BLOC1S3: variants seen among roughly 807,000 people sequenced by gnomAD.
BLOC1S3 encodes the protein biogenesis of lysosome-related organelles complex 1 subunit 3.
In BLOC1S3, 7 loss-of-function variants were observed where a neutral mutation model predicts 9.1. The ratio of observed to expected loss-of-function variants is 0.77; its 90% confidence interval spans 0.44 to 1.45. BLOC1S3 has a LOEUF of 1.45. BLOC1S3 is among the 40% of genes most tolerant of loss of function. BLOC1S3 has a pLI of 0.01. For synonymous variants in BLOC1S3, 145 were observed against 158.4 expected, an observed-to-expected ratio of 0.92 and a Z score of 0.64; for missense variants, 307 against 315.2, an observed-to-expected ratio of 0.97 and a Z score of 0.20.
intron 3 of BLOC1S3, among the ~76,000 whole-genome samples, chr19:45,202,873 G>T (rs904841043): frequency 6.6e-6 from 1 of 152,028 alleles, no homozygotes; most frequent in African/African-American, 2.4e-5. Flanking sequence ...AATGAATCCT[G>T]CCAGGACTGG....
chr19:45,179,476 C>G lies in BLOC1S3; in HGVS notation c.180C>G (p.Ala60=). ...CGGGGCTGCGGGTGGCTGGGGAAGC[C>G]GCGGAGACCGACTCGGAGCCGGAGC... The part of the protein sequence containing the change: ...RPTGLRVAGE[A]AETDSEPEPE... The change falls in exon 2 of 2, where the codon GCC becomes GCG. Residue 60 remains alanine (A), a synonymous_variant. Transcript: ENST00000433642. The surrounding 1 kb of genome is among the most constrained non-coding windows in gnomAD (Gnocchi z 4.6). 4 of 1,523,068 alleles carry G rather than the reference C, an allele frequency of 2.6e-6. No individual in the cohort carries two copies. The highest frequency in any genetic ancestry group is 3.5e-6 in the Non-Finnish European group (4 of 1,141,690). 94.3% of individuals were successfully genotyped at this position (1,523,068 alleles called of 1,614,324 possible). A position where few individuals can be genotyped will look rare whatever the true frequency, so the allele number is the denominator to read the frequency against.
In BLOC1S3 at chr19:45,179,364, C is replaced by G. The variant is rs1969471382; in HGVS notation, c.68C>G (p.Thr23Ser). The G allele has an allele frequency of 6.3e-7, 1 of 1,585,358 alleles. No individual in the cohort carries two copies. The highest frequency in any genetic ancestry group is 1.4e-5 in the African/African-American group (1 of 73,234). ...GAGACGGTGGTGCCGGGGGAGGCGA[C>G]CGAGACGGATTCCGAGCGCTCTGCG... Reference protein sequence around the residue: ...RPETVVPGEATETDSERSASS... With the variant: ...RPETVVPGEASETDSERSASS... The change falls in exon 2 of 2, where the codon ACC becomes AGC. Residue 23 changes from threonine (T) to serine (S), a missense_variant. Transcript: ENST00000433642. This position sits in a 1 kb window ranked among gnomAD's most constrained non-coding sequence, Gnocchi z 4.6.
At position 45,181,116 on chromosome 19, in the gene BLOC1S3, C is replaced by A. The variant is rs2122887666; in HGVS notation, c.*1211C>A. 1 of 168,028 alleles carries A rather than the reference C, an allele frequency of 6.0e-6. No homozygotes were observed. The highest frequency in any genetic ancestry group is 1.9e-4 in the East Asian group (1 of 5,204). 10.4% of individuals were successfully genotyped at this position (168,028 alleles called of 1,614,324 possible). ...CTCCCATCTGCCTCCTGCCTCCTCCCCTTTGAGCTTAGCCCCGCCCTCTCA... is the reference window on the plus strand; with the variant it reads ...CTCCCATCTGCCTCCTGCCTCCTCCACTTTGAGCTTAGCCCCGCCCTCTCA... On this transcript the variant is annotated 3_prime_UTR_variant, in exon 2 of 2. Coordinates refer to ENST00000433642, the MANE Select transcript of BLOC1S3 (RefSeq NM_212550.5).
At chr19:45,213,085 G>A in intron 3 of BLOC1S3, 1 of 1,509,202 alleles carries the variant, frequency 6.6e-7, no homozygotes, top group Non-Finnish European at 8.8e-7. Context: ...CTGGGCCCGA[G>A]GTCGCGCTAG....
intron 2 of BLOC1S3, among the ~76,000 whole-genome samples, chr19:45,191,058 G>T (rs1969604054): frequency 6.6e-6 from 1 of 151,510 alleles, no homozygotes; most frequent in African/African-American, 2.4e-5. Flanking sequence ...GCCCGCCTCG[G>T]CCTCCCAAAG....
At chr19:45,213,589 A>G (rs550170663) in intron 3 of BLOC1S3, among the ~76,000 whole-genome samples, 1 of 151,740 alleles carries the variant, frequency 6.6e-6, no homozygotes, top group Non-Finnish European at 1.5e-5. Flanking sequence ...CCCCCTTACA[A>G]CCAACCCCAG....
At chr19:45,190,599 G>A (rs1969597104) in intron 2 of BLOC1S3, among the ~76,000 whole-genome samples, 1 of 150,440 alleles carries the variant, frequency 6.6e-6, no homozygotes, top group Non-Finnish European at 1.5e-5. Context: ...ACGGGGTTTT[G>A]CCATGTTGCC....
intron 2 of BLOC1S3, among the ~76,000 whole-genome samples, chr19:45,200,182 A>ATT (rs4012970): frequency 0.017 from 2,293 of 135,196 alleles, 80 homozygotes; most frequent in African/African-American, 0.05. Context: ...TTTCTACTTA[A>ATT]TTTTTTTTTT....
intron 3 of BLOC1S3, chr19:45,213,034 A>C: frequency 6.2e-6 from 9 of 1,454,174 alleles, no homozygotes; most frequent in Non-Finnish European, 8.1e-6. Context: ...TCAGCAGCAT[A>C]GATGGGGTCA....
At chr19:45,216,197 G>A (rs1446931965) in intron 3 of BLOC1S3, 5 of 1,613,520 alleles carry the variant, frequency 3.1e-6, no homozygotes, top group Non-Finnish European at 4.2e-6. Context: ...TGGGACTCCT[G>A]CAGGGGAGGG....
At position 45,180,101 on chromosome 19, in the gene BLOC1S3, C is replaced by T. The variant is rs901486118; in HGVS notation, c.*196C>T. 2 of 574,042 alleles carry T rather than the reference C, an allele frequency of 3.5e-6. No individual in the cohort carries two copies. Among genetic ancestry groups the T allele is most frequent in the Non-Finnish European group, 5.9e-6 (2 of 337,652 alleles). 35.6% of individuals were successfully genotyped at this position (574,042 alleles called of 1,614,324 possible). On this transcript the variant is annotated 3_prime_UTR_variant, in exon 2 of 2. Transcript: ENST00000433642. ...TCAACCCCTACTGCGGAGACCAGGG[C>T]CCCACTATCCTTAGATCTGGTTCCT...
At chr19:45,204,641 C>T (rs923535234) in intron 3 of BLOC1S3, among the ~76,000 whole-genome samples, 1 of 152,152 alleles carries the variant, frequency 6.6e-6, no homozygotes, top group African/African-American at 2.4e-5. Flanking sequence ...AGATCAGCTG[C>T]GGCTGACCAG....
chr19:45,193,943 C>T (rs1309647856), intron 2 of BLOC1S3, among the ~76,000 whole-genome samples: 1 of 106,106 alleles, frequency 9.4e-6, no homozygotes, highest in Non-Finnish European at 1.9e-5. Context: ...GCCGGGACTA[C>T]AGGCACCCAC....
chr19:45,192,240 G>C (rs1022246396), intron 2 of BLOC1S3, among the ~76,000 whole-genome samples: 2 of 152,164 alleles, frequency 1.3e-5, no homozygotes, highest in African/African-American at 4.8e-5. Context: ...GCTACTGCCG[G>C]TGTTCATTTA....
At chr19:45,191,199 C>T (rs1167036681) in intron 2 of BLOC1S3, among the ~76,000 whole-genome samples, 2 of 151,486 alleles carry the variant, frequency 1.3e-5, no homozygotes, top group Non-Finnish European at 2.9e-5. Context: ...CTCGGCTCAC[C>T]ACAACCTCCG....
chr19:45,199,725 C>T (rs996485902), intron 2 of BLOC1S3, among the ~76,000 whole-genome samples: 12 of 151,644 alleles, frequency 7.9e-5, no homozygotes, highest in Non-Finnish European at 1.5e-4. Context: ...GTTCTCTTCT[C>T]TTCTTTCTTC....
At chr19:45,209,880 C>G (rs975175822) in intron 3 of BLOC1S3, among the ~76,000 whole-genome samples, 2 of 151,146 alleles carry the variant, frequency 1.3e-5, no homozygotes, top group African/African-American at 4.9e-5. Flanking sequence ...TATAGGCATG[C>G]GCCACCACGC....
At chr19:45,196,615 G>A (rs907456275) in intron 2 of BLOC1S3, among the ~76,000 whole-genome samples, 4 of 152,162 alleles carry the variant, frequency 2.6e-5, no homozygotes, top group African/African-American at 7.2e-5. Context: ...ACTCTTAGCC[G>A]GGAGCGGTGG....
downstream of BLOC1S3, among the ~76,000 whole-genome samples, chr19:45,186,790 T>C (rs1358599035): frequency 6.6e-6 from 1 of 152,170 alleles, no homozygotes; most frequent in African/African-American, 2.4e-5. Context: ...ACTGGGACAT[T>C]GGAGGCCCTA....
Sources: allele counts gnomAD v4.1 joint callset (sites outside exome capture counted in the v4.1 genomes callset), GRCh38; gene constraint gnomAD v4.1.1; non-coding constraint Gnocchi (gnomAD v3.1); transcripts MANE v1.5; gene names NCBI Gene and HGNC (gene_info 2026-07-23, HGNC 2026-07-21).